The following CAMTA1 variants were observed in gnomAD, a reference collection of about 807,000 sequenced individuals.
CAMTA1 encodes the protein calmodulin-binding transcription activator 1.
A neutral mutation model predicts 170.9 loss-of-function variants in CAMTA1; 27 were observed. The observed-to-expected ratio is 0.16, with a 90% confidence interval of 0.12 to 0.22. The LOEUF (loss-of-function observed/expected upper bound fraction) is 0.22, where lower values mean the gene tolerates loss of function less well. Among genes scored for constraint, CAMTA1 ranks in the 10% least tolerant of loss-of-function variants. CAMTA1 has a pLI of 1.00. For missense variants in CAMTA1, 1,619 were observed against 2,217.2 expected (o/e 0.73, Z 5.42); for synonymous variants, 833 against 891.5 (o/e 0.93, Z 1.17).
chr1:7,023,881 A>C (rs1159676745), intron 3 of CAMTA1, among the ~76,000 whole-genome samples: 2 of 151,940 alleles, frequency 1.3e-5, no homozygotes, highest in Admixed American at 6.6e-5. Context: ...TTCAAAAATT[A>C]GCCGGGCATG....
In CAMTA1 at chr1:7,663,529, G is replaced by A. The variant is rs201506748; in HGVS notation, c.982G>A (p.Gly328Ser). Residue 328 changes from glycine to serine, a missense_variant, in exon 9 of 23, where the codon GGC (glycine) becomes AGC (serine). Gly to Ser is a moderately conservative substitution (Grantham distance 56). This residue lies in a region of CAMTA1 where 731 missense variants were observed against 907.6 expected (regional missense o/e 0.81). Coordinates refer to ENST00000303635, the MANE Select transcript of CAMTA1 (RefSeq NM_015215.4). ...GGGCTCCAGCCGTGAGAAGAGGAAC[G>A]GCAAGGTGGCCAAGCCCGTGCTCCT... ...SKGSSREKRN[G>S]KVAKPVLLHQ... is the part of the protein sequence containing the mutation. 38 of 1,604,112 alleles carry A rather than the reference G, an allele frequency of 2.4e-5. No individual in the cohort carries two copies. The highest frequency in any genetic ancestry group is 1.8e-4 in the East Asian group (8 of 44,570).
intron 3 of CAMTA1, chr1:7,008,825 G>C (rs1699382673): frequency 2.0e-5 from 3 of 152,194 alleles, no homozygotes; most frequent in African/African-American, 7.2e-5. Context: ...ACAACCATCT[G>C]AGCTATTTAG....
chr1:6,850,360 A>T (rs758391513), intron 3 of CAMTA1, among the ~76,000 whole-genome samples: 1 of 152,216 alleles, frequency 6.6e-6, no homozygotes, highest in African/African-American at 2.4e-5. Context: ...TAAATGATCT[A>T]TCAAAAAAAT....
intron 5 of CAMTA1, among the ~76,000 whole-genome samples, chr1:7,311,846 G>A (rs1483115976): frequency 1.3e-5 from 2 of 152,164 alleles, no homozygotes; most frequent in Non-Finnish European, 2.9e-5. Context: ...GGACCTAGGG[G>A]CTGTCCTGTG....
chr1:7,311,511 C>T (rs114895124), intron 5 of CAMTA1, among the ~76,000 whole-genome samples: 2 of 152,068 alleles, frequency 1.3e-5, no homozygotes, highest in African/African-American at 2.4e-5. Flanking sequence ...GAGTGTTTAC[C>T]CTTACTTCTT....
chr1:6,839,341 C>T (rs566790543), intron 3 of CAMTA1, among the ~76,000 whole-genome samples: 9 of 151,948 alleles, frequency 5.9e-5, no homozygotes, highest in Admixed American at 5.9e-4. Context: ...GAGATCGTGC[C>T]ACTGCACTCC....
intron 4 of CAMTA1, among the ~76,000 whole-genome samples, chr1:7,124,550 G>A (rs771645925): frequency 3.3e-5 from 5 of 152,138 alleles, no homozygotes; most frequent in African/African-American, 7.2e-5. Context: ...TCTGCCCCTC[G>A]CTTGACTATA....
At chr1:7,231,107 C>G (rs190887885) in intron 4 of CAMTA1, among the ~76,000 whole-genome samples, 1 of 152,132 alleles carries the variant, frequency 6.6e-6, no homozygotes, top group Admixed American at 6.5e-5. Flanking sequence ...ATGAGAGCCC[C>G]GGTGGCTACC....
chr1:7,699,664 A>C (rs1025798794), intron 11 of CAMTA1, among the ~76,000 whole-genome samples: 2 of 152,232 alleles, frequency 1.3e-5, no homozygotes, highest in African/African-American at 4.8e-5. Context: ...ATTTCTCCAC[A>C]TCCTTGCCAA....
At chr1:7,247,531 C>G (rs1574179562) in intron 4 of CAMTA1, among the ~76,000 whole-genome samples, 1 of 152,184 alleles carries the variant, frequency 6.6e-6, no homozygotes, top group East Asian at 1.9e-4. Context: ...TCTTCATTCT[C>G]CAGTCACAGA....
intron 1 of CAMTA1, among the ~76,000 whole-genome samples, chr1:6,786,001 G>A (rs1375716078): frequency 1.3e-5 from 2 of 151,280 alleles, no homozygotes; most frequent in African/African-American, 2.4e-5. Flanking sequence ...AAGTTTATCC[G>A]CCTCGGGTCC....
chr1:7,283,521 G>A (rs538295940), intron 5 of CAMTA1, among the ~76,000 whole-genome samples: 3 of 152,178 alleles, frequency 2.0e-5, no homozygotes, highest in South Asian at 2.1e-4. Flanking sequence ...CCCATCCCAT[G>A]GTGGATGTCA....
intron 6 of CAMTA1, among the ~76,000 whole-genome samples, chr1:7,524,216 C>G (rs557426805): frequency 6.6e-6 from 1 of 152,094 alleles, no homozygotes; most frequent in Non-Finnish European, 1.5e-5. Context: ...TCCACACACA[C>G]AAAAAAGAAT....
chr1:7,103,231 A>G (rs966511953), intron 4 of CAMTA1, among the ~76,000 whole-genome samples: 12 of 152,102 alleles, frequency 7.9e-5, no homozygotes, highest in Non-Finnish European at 1.8e-4. Context: ...CTGGAAGTCC[A>G]AGGGTGAAAG....
rs776267461 is a variant in CAMTA1 at position 7,745,835 on chromosome 1, CTT to C, written c.4371-9_4371-8del. 6.2e-7 allele frequency: 1 copy of C among 1,613,022 alleles called. No homozygotes were observed. The highest frequency in any genetic ancestry group is 8.5e-7 in the Non-Finnish European group (1 of 1,179,544). On this transcript the variant is annotated splice_polypyrimidine_tract_variant and splice_region_variant and intron_variant, in intron 17 of 22. Coordinates refer to ENST00000303635, the MANE Select transcript of CAMTA1 (RefSeq NM_015215.4). ...TTAATCTGTCTCTCCTTTTTCTCCT[CTT>C]GTTTCAGAAGTGCATATAACGAGCC...
chr1:6,799,939 A>C (rs1214910255), intron 1 of CAMTA1, among the ~76,000 whole-genome samples: 2 of 152,130 alleles, frequency 1.3e-5, no homozygotes, highest in East Asian at 3.8e-4. Context: ...ATATTCAGCT[A>C]TTCTGTATAA....
At chr1:7,098,335 C>A (rs1448794575) in intron 4 of CAMTA1, among the ~76,000 whole-genome samples, 1 of 152,234 alleles carries the variant, frequency 6.6e-6, no homozygotes, top group African/African-American at 2.4e-5. Flanking sequence ...AACACAGAGA[C>A]GTGTCACGTT....
At chr1:7,235,151 A>G (rs1317823028) in intron 4 of CAMTA1, among the ~76,000 whole-genome samples, 2 of 151,970 alleles carry the variant, frequency 1.3e-5, no homozygotes, top group African/African-American at 4.8e-5. Context: ...TCCTGTTCTC[A>G]ACTCTCCACA....
In CAMTA1 at chr1:7,760,570, T is replaced by C. The variant is rs149453089; in HGVS notation, c.4989+4902T>C. ...GTCATCATGGATGTATTTTAAATCTTCAAAGTAATTTTGTCTCACTTGCCT... is the reference window on the plus strand; with the variant it reads ...GTCATCATGGATGTATTTTAAATCTCCAAAGTAATTTTGTCTCACTTGCCT... On this transcript the variant is annotated intron_variant, in intron 22 of 22. Transcript: ENST00000303635. Among the ~76,000 whole-genome samples the C allele has an allele frequency of 4.3e-3, 650 of 152,348 alleles. 5 individuals carry two copies. Among genetic ancestry groups the C allele is most frequent in the African/African-American group, 0.014 (593 of 41,568 alleles).
Sources: gnomAD v4.1 joint callset for allele counts (sites outside exome capture counted in the v4.1 genomes callset) on GRCh38, gnomAD v4.1.1 for gene constraint, gnomAD v4.1.1 regional missense constraint, MANE v1.5 for transcripts, NCBI Gene and HGNC (gene_info 2026-07-23, HGNC 2026-07-21) for gene names.